ARFGAP1: variants seen among roughly 807,000 people sequenced by gnomAD.
ARFGAP1 encodes ADP-ribosylation factor GTPase-activating protein 1.
ARFGAP1 carries 26 observed loss-of-function variants against 54.0 expected under a neutral mutation model. That is an observed-to-expected ratio of 0.48 (90% CI 0.35 to 0.67). The LOEUF (loss-of-function observed/expected upper bound fraction) is 0.67. Among genes scored for constraint, ARFGAP1 ranks in the 30% least tolerant of loss-of-function variants. The pLI is 0.00. For synonymous variants in ARFGAP1, 248 were observed against 211.9 expected (o/e 1.17, Z -1.48); for missense variants, 525 against 535.8 (o/e 0.98, Z 0.20).
chr20:63,286,294 C>T (rs923559082), intron 11 of ARFGAP1, 72 bp from the exon 12 acceptor site: 220 of 1,598,376 alleles, frequency 1.4e-4, no homozygotes, highest in Non-Finnish European at 1.7e-4. Context: ...TGCCGGCTTG[C>T]GTGTGGGGGC....
chr20:63,284,146 A>C, intron 9 of ARFGAP1: 1 of 1,324,160 alleles, frequency 7.6e-7, no homozygotes, highest in Non-Finnish European at 9.6e-7. Context: ...AAACACACAG[A>C]CCCCCAACGC....
intron 1 of ARFGAP1, chr20:63,273,539 AACTT>A (rs1034962221): frequency 6.2e-4 from 95 of 152,354 alleles, no homozygotes; most frequent in African/African-American, 2.2e-3. Flanking sequence ...TCGTGTTACT[AACTT>A]TAACATTTCA....
intron 9 of ARFGAP1, chr20:63,283,099 T>C (rs1017936434): frequency 1.8e-6 from 1 of 565,582 alleles, no homozygotes; most frequent in Non-Finnish European, 3.2e-6. Context: ...CTGGTACCGG[T>C]GTGTGGCCAC....
At position 63,276,303 on chromosome 20, in the gene ARFGAP1, C is replaced by T. The variant is rs2067236635; in HGVS notation, c.170+103C>T. On this transcript the variant is annotated intron_variant, in intron 3 of 12. Coordinates refer to ENST00000370283, the MANE Select transcript of ARFGAP1 (RefSeq NM_018209.4). The surrounding 1 kb of genome is among the most constrained non-coding windows in gnomAD (Gnocchi z 5.2). ...CGCCAGGGAAGCTTGGGGGCCACCT[C>T]CCATTGCATTGCCAGTGTCCACTCT... 1 of 1,418,728 alleles carries T rather than the reference C, an allele frequency of 7.0e-7. No homozygotes were observed. Among genetic ancestry groups the T allele is most frequent in the African/African-American group, 1.4e-5 (1 of 70,784 alleles). 87.9% of individuals were successfully genotyped at this position (1,418,728 alleles called of 1,614,324 possible). A position where few individuals can be genotyped will look rare whatever the true frequency, so the allele number is the denominator to read the frequency against.
intron 12 of ARFGAP1, chr20:63,286,822 C>T (rs1568745566): frequency 4.2e-6 from 1 of 237,674 alleles, no homozygotes; most frequent in South Asian, 7.2e-5. Flanking sequence ...CTCTGCTGTT[C>T]CTCTGTCTCC....
chr20:63,278,120 C>T lies in ARFGAP1; in HGVS notation c.447C>T (p.Val149=). 6.2e-7 allele frequency: 1 copy of T among 1,613,666 alleles called. No homozygotes were observed. The highest frequency in any genetic ancestry group is 8.5e-7 in the Non-Finnish European group (1 of 1,179,922). Residue 149 remains valine, a synonymous_variant, in exon 6 of 13, where the codon GTC becomes GTT. Transcript: ENST00000370283. ...AGCCTTCGATTCTCGGTTTCAGAGTCTCTGGCCAGCCGCAGAGTGTGACCG... is the reference window on the plus strand; with the variant it reads ...AGCCTTCGATTCTCGGTTTCAGAGTTTCTGGCCAGCCGCAGAGTGTGACCG... The part of the protein sequence containing the change: ...PRTLPSMVHR[V]SGQPQSVTAS...
intron 1 of ARFGAP1, among the ~76,000 whole-genome samples, chr20:63,274,566 A>T (rs1056892901): frequency 2.0e-5 from 3 of 151,930 alleles, no homozygotes; most frequent in Non-Finnish European, 4.4e-5. Context: ...AGTGAGAGGT[A>T]GAGGGAACAG....
At position 63,276,114 on chromosome 20, in the gene ARFGAP1, C is replaced by G. The variant is rs1489532806; in HGVS notation, c.84C>G (p.Phe28Leu). ...ENNVCFECGA[F>L]NPQWVSVTYG... is the part of the protein sequence containing the mutation. ...AGGTTTGTTTTGAGTGTGGCGCGTT[C>G]AATCCTCAGTGGGTCAGTGTGACCT... The change falls in exon 3 of 13, where the codon TTC becomes TTG. Residue 28 changes from phenylalanine (F) to leucine (L), a missense_variant. Phe to Leu is a conservative substitution (Grantham distance 22, BLOSUM62 0). Coordinates refer to ENST00000370283, the MANE Select transcript of ARFGAP1 (RefSeq NM_018209.4). The surrounding 1 kb of genome is among the most constrained non-coding windows in gnomAD (Gnocchi z 5.2). 6.2e-7 allele frequency: 1 copy of G among 1,614,022 alleles called. No homozygotes were observed. Among genetic ancestry groups the G allele is most frequent in the Admixed American group, 1.7e-5 (1 of 60,024 alleles).
chr20:63,282,295 C>T (rs1043541071), intron 8 of ARFGAP1, among the ~76,000 whole-genome samples: 2 of 152,256 alleles, frequency 1.3e-5, no homozygotes, highest in Admixed American at 1.3e-4. Flanking sequence ...CACGGGAGGG[C>T]TGCGGCCTGG....
Position 63,288,375 on chromosome 20 carries a change from T to C in ARFGAP1, c.*502T>C, listed in dbSNP as rs1165492054. On this transcript the variant is annotated 3_prime_UTR_variant, in exon 13 of 13. Coordinates refer to ENST00000370283, the MANE Select transcript of ARFGAP1 (RefSeq NM_018209.4). Reference sequence around the variant, plus strand: ...GAAATGCTGGAAATGATACTGGCGCTCACGCTGCCATCCGACCACCCTCGG... The same window carrying C: ...GAAATGCTGGAAATGATACTGGCGCCCACGCTGCCATCCGACCACCCTCGG... 1.1e-5 allele frequency: 5 copies of C among 456,366 alleles called. No individual in the cohort carries two copies. Among genetic ancestry groups the C allele is most frequent in the Non-Finnish European group, 2.2e-5 (5 of 227,092 alleles). The allele number at this position is 456,366 out of a possible 1,614,324, so 28.3% of individuals were successfully genotyped here. A position where few individuals can be genotyped will look rare whatever the true frequency, so the allele number is the denominator to read the frequency against.
rs2067610947 is a variant in ARFGAP1 at position 63,288,007 on chromosome 20, C to T, written c.*134C>T. 3 of 1,103,576 alleles carry T rather than the reference C, an allele frequency of 2.7e-6. No homozygotes were observed. The highest frequency in any genetic ancestry group is 3.8e-6 in the Non-Finnish European group (3 of 795,956). The allele number at this position is 1,103,576 out of a possible 1,614,324, so 68.4% of individuals were successfully genotyped here. A position where few individuals can be genotyped will look rare whatever the true frequency, so the allele number is the denominator to read the frequency against. ...GAGGACAGCGTCTCGGGAGGCAGGA[C>T]CCTAGGGAGACCCGGGTGTGCGCCG... On this transcript the variant is annotated 3_prime_UTR_variant, in exon 13 of 13. Coordinates refer to ENST00000370283, the MANE Select transcript of ARFGAP1 (RefSeq NM_018209.4).
At position 63,284,699 on chromosome 20, in the gene ARFGAP1, C is replaced by T. The variant is rs558428847; in HGVS notation, c.718-167C>T. On this transcript the variant is annotated intron_variant, in intron 9 of 12. Coordinates refer to ENST00000370283, the MANE Select transcript of ARFGAP1 (RefSeq NM_018209.4). ...CTAGAGGTGGCGGCCTACTGCCCTT[C>T]GGGTGTTGTGTGCAAAGCCCCGTTT... 6.1e-5 allele frequency: 89 copies of T among 1,455,710 alleles called. No homozygotes were observed. The African/African-American group carries it at 9.0e-4, about 15-fold the overall frequency. The allele number at this position is 1,455,710 out of a possible 1,614,324, so 90.2% of individuals were successfully genotyped here.
In ARFGAP1 at chr20:63,286,410, T is replaced by A. The variant is rs141184934; in HGVS notation, c.879T>A (p.Phe293Leu). ...GSKGWRDVTTFFSGKAEGPLD... is the reference protein window; with the variant it reads ...GSKGWRDVTTLFSGKAEGPLD... ...AGGGATGGCGGGACGTCACCACCTT[T>A]TTTTCGGGGAAAGCAGAGGGCCCCT... is the stretch of plus-strand genomic sequence containing the variant. Residue 293 changes from phenylalanine (F) to leucine (L), a missense_variant, in exon 12 of 13, where the codon TTT becomes TTA. By Grantham distance (22) the Phe-to-Leu change is conservative. Around this residue, in one of 3 missense-constraint regions of ARFGAP1, gnomAD observed 466 missense variants for 453.6 expected, o/e 1.03. Transcript: ENST00000370283. The A allele has an allele frequency of 6.2e-7, 1 of 1,613,504 alleles. No homozygotes were observed. Among genetic ancestry groups the A allele is most frequent in the Non-Finnish European group, 8.5e-7 (1 of 1,179,984 alleles).
chr20:63,276,458 T>G lies in ARFGAP1; in HGVS notation c.171-22T>G. On this transcript the variant is annotated intron_variant, in intron 3 of 12. Transcript: ENST00000370283. The surrounding 1 kb of genome is among the most constrained non-coding windows in gnomAD (Gnocchi z 5.2). ...TGGGTGTCCCCGGTGCTGGTTGATCTGCTCGATCCTCTGCTTTCCAGCTTT... is the reference window on the plus strand; with the variant it reads ...TGGGTGTCCCCGGTGCTGGTTGATCGGCTCGATCCTCTGCTTTCCAGCTTT... 3 of 1,598,370 alleles carry G rather than the reference T, an allele frequency of 1.9e-6. No individual in the cohort carries two copies. The highest frequency in any genetic ancestry group is 2.6e-6 in the Non-Finnish European group (3 of 1,170,810).
Position 63,287,949 on chromosome 20 carries a change from T to C in ARFGAP1, c.*76T>C, listed in dbSNP as rs1281879040. 7.1e-6 allele frequency: 10 copies of C among 1,410,224 alleles called. No homozygotes were observed. Among genetic ancestry groups the C allele is most frequent in the African/African-American group, 2.9e-5 (2 of 69,264 alleles). 87.4% of individuals were successfully genotyped at this position (1,410,224 alleles called of 1,614,324 possible). A position where few individuals can be genotyped will look rare whatever the true frequency, so the allele number is the denominator to read the frequency against. On this transcript the variant is annotated 3_prime_UTR_variant, in exon 13 of 13. Transcript: ENST00000370283. ...CTCTGCCCTCGTCGTTCCTCCTCCT[T>C]CCATTTGACCCAAGAATCAGCAACT...
chr20:63,283,863 AAGCAGC>A (rs2067451593), intron 9 of ARFGAP1: 1 of 1,613,664 alleles, frequency 6.2e-7, no homozygotes, highest in East Asian at 2.2e-5. Context: ...TTGGGGTCAC[AAGCAGC>A]AGCCGGAGCC....
At chr20:63,286,231 G>C in intron 11 of ARFGAP1, 135 bp from the exon 12 acceptor site, 2 of 1,548,056 alleles carry the variant, frequency 1.3e-6, no homozygotes, top group Non-Finnish European at 1.7e-6. Context: ...ACGTGTGTGC[G>C]AGGCACCCCT....
rs961552196 is a variant in ARFGAP1, at chr20:63,288,510, C to T, written c.*637C>T. 61 of 455,944 alleles carry T rather than the reference C, an allele frequency of 1.3e-4. No homozygotes were observed. The highest frequency in any genetic ancestry group is 2.2e-4 in the Non-Finnish European group (50 of 226,784). 28.2% of individuals were successfully genotyped at this position (455,944 alleles called of 1,614,324 possible). A position where few individuals can be genotyped will look rare whatever the true frequency, so the allele number is the denominator to read the frequency against. On this transcript the variant is annotated 3_prime_UTR_variant, in exon 13 of 13. Transcript: ENST00000370283. ...CCCACCACCAAGTTCACCAGGTTCA[C>T]CAGACACGGCCTCCACAATAGCCAC...
chr20:63,284,005 T>G, intron 9 of ARFGAP1: 1 of 1,508,544 alleles, frequency 6.6e-7, no homozygotes, highest in East Asian at 2.3e-5. Flanking sequence ...GCTCAGACCC[T>G]CTCCCTGGCC....
Sources: gnomAD v4.1 joint callset for allele counts (sites outside exome capture counted in the v4.1 genomes callset) on GRCh38, gnomAD v4.1.1 for gene constraint, gnomAD v4.1.1 regional missense constraint, Gnocchi (gnomAD v3.1) non-coding constraint, MANE v1.5 for transcripts, NCBI Gene and HGNC (gene_info 2026-07-23, HGNC 2026-07-21) for gene names.